The following SAMMSON variants were observed in gnomAD, a reference collection of about 807,000 sequenced individuals.
The protein encoded by SAMMSON is survival associated mitochondrial melanoma specific oncogenic non-coding RNA, also known as long intergenic non-protein coding RNA 1212.
chr3:70,207,457 T>C (rs1055408850), intron 4 of SAMMSON, among the ~76,000 whole-genome samples: 3 of 152,032 alleles, frequency 2.0e-5, no homozygotes, highest in Admixed American at 1.3e-4. Flanking sequence ...GTTCAGGGAA[T>C]TTCTAGCGAA....
chr3:70,155,610 G>C (rs907537075), intron 4 of SAMMSON, among the ~76,000 whole-genome samples: 2 of 152,044 alleles, frequency 1.3e-5, no homozygotes, highest in African/African-American at 4.8e-5. Flanking sequence ...TGTTTAATTA[G>C]GTTTGCAGAA....
At chr3:70,425,968 A>G (rs1175298953) in intron 2 of SAMMSON, among the ~76,000 whole-genome samples, 1 of 152,204 alleles carries the variant, frequency 6.6e-6, no homozygotes, top group Non-Finnish European at 1.5e-5. Flanking sequence ...TAGTGTCAGA[A>G]ACCTATGTCA....
chr3:70,421,325 G>A (rs1400973430), intron 2 of SAMMSON, among the ~76,000 whole-genome samples: 1 of 152,136 alleles, frequency 6.6e-6, no homozygotes, highest in African/African-American at 2.4e-5. Context: ...TACATTTCAT[G>A]AGTAACTTAT....
At chr3:70,372,692 A>G (rs572431787) in intron 9 of SAMMSON, among the ~76,000 whole-genome samples, 188 of 152,264 alleles carry the variant, frequency 1.2e-3, no homozygotes, top group African/African-American at 4.4e-3. Flanking sequence ...CTCTCATCCT[A>G]TATCTTTTCT....
chr3:70,156,003 C>A (rs1285327301), intron 4 of SAMMSON, among the ~76,000 whole-genome samples: 1 of 152,026 alleles, frequency 6.6e-6, no homozygotes, highest in Admixed American at 6.6e-5. Context: ...GATGAGGACA[C>A]TGACTGCAGA....
chr3:70,069,789 T>C (rs2067223422), intron 3 of SAMMSON: 1 of 152,146 alleles, frequency 6.6e-6, no homozygotes, highest in Admixed American at 6.6e-5. Context: ...ATGTAGGTAA[T>C]GTCAGAGCAG....
At chr3:70,309,438 A>AG (rs1702436173) in intron 7 of SAMMSON, among the ~76,000 whole-genome samples, 1 of 152,182 alleles carries the variant, frequency 6.6e-6, no homozygotes, top group Non-Finnish European at 1.5e-5. Flanking sequence ...GCTTTTAAAG[A>AG]GGGAAAAAAA....
intron 2 of SAMMSON, among the ~76,000 whole-genome samples, chr3:70,418,512 C>T (rs930380773): frequency 6.6e-6 from 1 of 152,206 alleles, no homozygotes; most frequent in African/African-American, 2.4e-5. Context: ...ACCCTGCCAT[C>T]CTGGCATTGG....
intron 4 of SAMMSON, among the ~76,000 whole-genome samples, chr3:70,229,678 A>C (rs1001232437): frequency 7.2e-5 from 11 of 152,182 alleles, no homozygotes; most frequent in African/African-American, 2.4e-4. Context: ...GACAACTCTG[A>C]TGAGCCCCTA....
intron 6 of SAMMSON, among the ~76,000 whole-genome samples, chr3:70,285,977 G>C (rs1702158002): frequency 6.6e-6 from 1 of 151,348 alleles, no homozygotes; most frequent in Non-Finnish European, 1.5e-5. Context: ...CAGATGAGTA[G>C]GTTGTGAAAA....
intron 4 of SAMMSON, among the ~76,000 whole-genome samples, chr3:70,217,489 G>C (rs1278709215): frequency 6.6e-6 from 1 of 152,102 alleles, no homozygotes; most frequent in Non-Finnish European, 1.5e-5. Flanking sequence ...ATTGGGAGAA[G>C]TTTGTCTATG....
chr3:70,051,563 G>A (rs375537509), intron 3 of SAMMSON, among the ~76,000 whole-genome samples: 6 of 151,266 alleles, frequency 4.0e-5, no homozygotes, highest in East Asian at 2.0e-4. Context: ...GTTGTTTAGC[G>A]TTATATTTAT....
chr3:70,103,453 ACTT>A (rs1559791600), intron 4 of SAMMSON, among the ~76,000 whole-genome samples: 1 of 152,194 alleles, frequency 6.6e-6, no homozygotes, highest in African/African-American at 2.4e-5. Flanking sequence ...GGCAGAGCAA[ACTT>A]CTTATCCCAG....
intron 4 of SAMMSON, among the ~76,000 whole-genome samples, chr3:70,153,465 G>C (rs1429363813): frequency 6.6e-6 from 1 of 151,436 alleles, no homozygotes; most frequent in Admixed American, 6.6e-5. Context: ...TTTGTGGTTG[G>C]GTCAATTTCC....
chr3:70,063,913 A>G (rs1378893348), intron 3 of SAMMSON, among the ~76,000 whole-genome samples: 1 of 152,108 alleles, frequency 6.6e-6, no homozygotes, highest in Non-Finnish European at 1.5e-5. Context: ...ATTCTTCATC[A>G]TAATTTAAGG....
rs145484914 is a variant in SAMMSON, at chr3:70,050,267, C to G, written n.418-21209C>G. Among the ~76,000 whole-genome samples the G allele has an allele frequency of 2.0e-3, 311 of 152,236 alleles. 2 individuals are homozygous for G. Among genetic ancestry groups the G allele is most frequent in the African/African-American group, 7.2e-3 (301 of 41,558 alleles). ...TGTAAATGGCACATTTGCTCAGGTA[C>G]AAACACAGTCTGCTGCAATGAATTT... On this transcript the variant is annotated intron_variant and non_coding_transcript_variant, in intron 3 of 9. Transcript: ENST00000642114.
chr3:70,214,456 A>G (rs918349241), intron 4 of SAMMSON, among the ~76,000 whole-genome samples: 2 of 152,090 alleles, frequency 1.3e-5, no homozygotes, highest in African/African-American at 4.8e-5. Context: ...GCTAAAGTAT[A>G]TTATTCCTCC....
intron 9 of SAMMSON, among the ~76,000 whole-genome samples, chr3:70,380,546 T>C (rs1022490721): frequency 1.2e-4 from 19 of 152,214 alleles, no homozygotes; most frequent in Non-Finnish European, 2.6e-4. Context: ...TTTCTTTTTT[T>C]ATTTTTTAAT....
intron 7 of SAMMSON, among the ~76,000 whole-genome samples, chr3:70,317,569 A>G (rs1469253440): frequency 6.6e-6 from 1 of 151,580 alleles, no homozygotes; most frequent in Non-Finnish European, 1.5e-5. Flanking sequence ...TAAACCTGCA[A>G]TATCTTCAAA....
Sources: gnomAD v4.1 joint callset for allele counts (sites outside exome capture counted in the v4.1 genomes callset) on GRCh38, gnomAD v4.1.1 for gene constraint, MANE v1.5 for transcripts, NCBI Gene and HGNC (gene_info 2026-07-23, HGNC 2026-07-21) for gene names.